Variants in ESRRG observed in about 807,000 individuals in gnomAD.
ESRRG encodes estrogen related receptor gamma.
In ESRRG, 13 loss-of-function variants were observed where a neutral mutation model predicts 44.0. That is an observed-to-expected ratio of 0.30 (90% CI 0.19 to 0.47). The LOEUF is 0.47. ESRRG is among the 20% of genes least tolerant of loss of function. The probability of loss-of-function intolerance (pLI) is 1.00; values close to 1 mark genes in which losing one functional copy is unlikely to be tolerated. For missense variants in ESRRG, 395 were observed against 580.6 expected (o/e 0.68, Z 3.29); for synonymous variants, 215 against 214.6 (o/e 1.00, Z -0.02).
At chr1:216,772,450 A>G (rs1214046757) in intron 2 of ESRRG, among the ~76,000 whole-genome samples, 1 of 152,146 alleles carries the variant, frequency 6.6e-6, no homozygotes, top group African/African-American at 2.4e-5. Flanking sequence ...TTCTAGATGT[A>G]TATCACTCTA....
chr1:216,665,242 T>C (rs58310798), intron 2 of ESRRG, among the ~76,000 whole-genome samples: 12,063 of 152,078 alleles, frequency 0.079, 1,491 homozygotes, highest in African/African-American at 0.27. Context: ...AAGATATGTA[T>C]GTATAGAAAA....
intron 2 of ESRRG, among the ~76,000 whole-genome samples, chr1:216,745,494 T>A (rs1220235074): frequency 6.6e-6 from 1 of 152,248 alleles, no homozygotes; most frequent in East Asian, 1.9e-4. Context: ...CCCAATATGT[T>A]TTTGCTTCTT....
intron 2 of ESRRG, among the ~76,000 whole-genome samples, chr1:216,812,188 CAT>C (rs1275741161): frequency 6.6e-6 from 1 of 152,148 alleles, no homozygotes; most frequent in Non-Finnish European, 1.5e-5. Flanking sequence ...AAGAGTCAAA[CAT>C]ATGCTTAAAG....
intron 1 of ESRRG, among the ~76,000 whole-genome samples, chr1:216,956,489 T>G (rs2067981994): frequency 6.6e-6 from 1 of 152,232 alleles, no homozygotes; most frequent in Non-Finnish European, 1.5e-5. Flanking sequence ...ACCAGTACCA[T>G]GCTGTTTTGA....
chr1:216,792,732 T>A (rs2094356900), intron 2 of ESRRG, among the ~76,000 whole-genome samples: 1 of 152,192 alleles, frequency 6.6e-6, no homozygotes, highest in African/African-American at 2.4e-5. Flanking sequence ...CTCACAAAAC[T>A]TTTTCTTAGA....
At chr1:217,120,333 T>TA (rs1208282263) in intron 1 of ESRRG, among the ~76,000 whole-genome samples, 1 of 152,118 alleles carries the variant, frequency 6.6e-6, no homozygotes, top group Non-Finnish European at 1.5e-5. Flanking sequence ...TAGAAATACT[T>TA]TATTTAATCT....
At chr1:216,869,583 C>T (rs1012684472) in intron 2 of ESRRG, among the ~76,000 whole-genome samples, 2 of 152,052 alleles carry the variant, frequency 1.3e-5, no homozygotes, top group Non-Finnish European at 2.9e-5. Context: ...TCCACAAGAA[C>T]ATCCGCCTAG....
chr1:216,863,506 A>G (rs2096089488), intron 2 of ESRRG: 1 of 152,186 alleles, frequency 6.6e-6, no homozygotes. Context: ...GACAGTCAAT[A>G]TCCTCTTAGA....
intron 1 of ESRRG, among the ~76,000 whole-genome samples, chr1:216,678,822 T>C (rs2076543389): frequency 6.6e-6 from 1 of 152,164 alleles, no homozygotes; most frequent in South Asian, 2.1e-4. Context: ...TTCACTAGAA[T>C]TTGGGGGACT....
At chr1:216,641,690 C>T (rs1398813277) in intron 3 of ESRRG, among the ~76,000 whole-genome samples, 2 of 152,212 alleles carry the variant, frequency 1.3e-5, no homozygotes, top group Non-Finnish European at 2.9e-5. Flanking sequence ...CTGACAAAAA[C>T]ACAGACCCCT....
chr1:216,951,195 A>G (rs1025792580), intron 1 of ESRRG, among the ~76,000 whole-genome samples: 1 of 152,334 alleles, frequency 6.6e-6, no homozygotes, highest in African/African-American at 2.4e-5. Flanking sequence ...TGATGTCACT[A>G]TTTATAGCCC....
intron 2 of ESRRG, among the ~76,000 whole-genome samples, chr1:216,785,279 T>A (rs1033717451): frequency 3.9e-5 from 6 of 152,088 alleles, no homozygotes; most frequent in African/African-American, 1.2e-4. Context: ...AGGCACTTAA[T>A]GTGGTTTTGG....
In ESRRG at chr1:216,677,532, G is replaced by C. The variant is rs370369109; in HGVS notation, c.57-41C>G. The C allele has an allele frequency of 5.2e-6, 8 of 1,530,508 alleles. No homozygotes were observed. The East Asian group carries it at 6.8e-5, about 13-fold the overall frequency. 94.8% of individuals were successfully genotyped at this position (1,530,508 alleles called of 1,614,324 possible). ...TACAAAGAGAGACAGAAAGAGGAGA[G>C]AGTGTCAAGCACAGAGACCAAAAGA... On this transcript the variant is annotated intron_variant, in intron 1 of 6. Transcript: ENST00000408911.
Position 216,503,261 on chromosome 1 carries a change from A to T in ESRRG, c.*3678T>A, listed in dbSNP as rs2040632476. The T allele has an allele frequency of 6.6e-6, 1 of 152,350 alleles. No homozygotes were observed. Among genetic ancestry groups the T allele is most frequent in the Admixed American group, 6.6e-5 (1 of 15,254 alleles). 9.4% of individuals were successfully genotyped at this position (152,350 alleles called of 1,614,324 possible). A position where few individuals can be genotyped will look rare whatever the true frequency, so the allele number is the denominator to read the frequency against. The stretch of plus-strand genomic sequence containing the variant: ...AATACAAAAGAGCAGTCAAAAGTGG[A>T]AGCTTGTTTAATATTGCTCTACCAT... On this transcript the variant is annotated 3_prime_UTR_variant, in exon 7 of 7. Transcript: ENST00000408911.
intron 2 of ESRRG, among the ~76,000 whole-genome samples, chr1:216,757,237 G>C (rs1002705774): frequency 2.0e-5 from 3 of 151,938 alleles, no homozygotes; most frequent in African/African-American, 7.3e-5. Context: ...ATCTACTCTA[G>C]ATTAGTCCTG....
intron 2 of ESRRG, among the ~76,000 whole-genome samples, chr1:216,800,172 C>A (rs930257576): frequency 6.6e-6 from 1 of 152,154 alleles, no homozygotes; most frequent in Non-Finnish European, 1.5e-5. Context: ...CACCTCTCAA[C>A]ACAGCTGTCT....
intron 2 of ESRRG, among the ~76,000 whole-genome samples, chr1:216,895,565 T>G (rs867736388): frequency 1.7e-4 from 26 of 152,322 alleles, no homozygotes; most frequent in African/African-American, 4.6e-4. Context: ...TTCTTCTACC[T>G]TAGCAAGTTC....
chr1:216,785,878 C>T (rs2094110778), intron 2 of ESRRG, among the ~76,000 whole-genome samples: 1 of 152,074 alleles, frequency 6.6e-6, no homozygotes, highest in Admixed American at 6.6e-5. Flanking sequence ...AACTGTTTGT[C>T]AGCCGTAGTT....
At chr1:217,119,423 G>T (rs2092788792) in intron 1 of ESRRG, among the ~76,000 whole-genome samples, 1 of 152,196 alleles carries the variant, frequency 6.6e-6, no homozygotes, top group African/African-American at 2.4e-5. Flanking sequence ...AATGGACCAT[G>T]TAAATCTGAA....
Sources: gnomAD v4.1 joint callset for allele counts (sites outside exome capture counted in the v4.1 genomes callset) on GRCh38, gnomAD v4.1.1 for gene constraint, MANE v1.5 for transcripts, NCBI Gene and HGNC (gene_info 2026-07-23, HGNC 2026-07-21) for gene names.